Variants in PHACTR3 observed in about 807,000 individuals in gnomAD.
PHACTR3 encodes phosphatase and actin regulator 3.
Under a neutral mutation model 66.8 loss-of-function variants are expected in PHACTR3, and 16 were observed. That is an observed-to-expected ratio of 0.24 (90% CI 0.16 to 0.36). PHACTR3 has a LOEUF of 0.36. Among genes scored for constraint, PHACTR3 ranks in the 10% least tolerant of loss-of-function variants. PHACTR3 has a pLI of 1.00. For missense variants in PHACTR3, 647 were observed against 719.9 expected (o/e 0.90, Z 1.16); for synonymous variants, 323 against 292.1 (o/e 1.11, Z -1.08).
chr20:59,836,624 C>CTGAG, intron 9 of PHACTR3, 64 bp downstream of exon 9: 1 of 1,527,522 alleles, frequency 6.5e-7, no homozygotes, highest in Non-Finnish European at 9.0e-7. Flanking sequence ...TGCACAAATC[C>CTGAG]TGAGTTCCCA....
chr20:59,845,986 TC>T lies in PHACTR3; in HGVS notation c.1664+727del, dbSNP rs918143701. Reference sequence around the variant, plus strand: ...TTGAACTGCATATTTTTTCAGTATTTCCCCCCACTTCTTTTCCATGGCCATG... The same window carrying T: ...TTGAACTGCATATTTTTTCAGTATTTCCCCCACTTCTTTTCCATGGCCATG... On this transcript the variant is annotated intron_variant, in intron 12 of 12. Transcript: ENST00000371015. Among the ~76,000 whole-genome samples, 3 of 152,250 alleles carry T rather than the reference TC, an allele frequency of 2.0e-5. No individual in the cohort carries two copies. In the East Asian group the frequency reaches 5.8e-4, roughly 29 times the overall value.
Position 59,818,077 on chromosome 20 carries a change from C to T in PHACTR3, c.1328+11883C>T, listed in dbSNP as rs571816540. Among the ~76,000 whole-genome samples, 78 of 152,304 alleles carry T rather than the reference C, an allele frequency of 5.1e-4. No individual in the cohort carries two copies. The South Asian group carries it at 0.015, about 30-fold the overall frequency. On this transcript the variant is annotated intron_variant, in intron 8 of 12. Transcript: ENST00000371015. ...GCCTCAGCGAACCTGTCTCCTTCCT[C>T]GCATATGTGAGGGGGCCCTTGTGTG...
chr20:59,628,911 T>G, intron 1 of PHACTR3: 1 of 663,932 alleles, frequency 1.5e-6, no homozygotes, highest in Non-Finnish European at 1.9e-6. Flanking sequence ...GTTGCAGAGC[T>G]TCCCTCAATG....
chr20:59,809,685 AGG>A (rs2041676375), intron 8 of PHACTR3, among the ~76,000 whole-genome samples: 3 of 152,126 alleles, frequency 2.0e-5, no homozygotes, highest in African/African-American at 7.2e-5. Flanking sequence ...CATAAACTTG[AGG>A]AGCTCACAGC....
chr20:59,749,631 G>T (rs1857646267), intron 3 of PHACTR3, among the ~76,000 whole-genome samples: 1 of 152,180 alleles, frequency 6.6e-6, no homozygotes, highest in Non-Finnish European at 1.5e-5. Context: ...TCTGGAGAGG[G>T]TCAGATAGTG....
At chr20:59,645,284 G>A (rs544564039) in intron 1 of PHACTR3, among the ~76,000 whole-genome samples, 6 of 148,098 alleles carry the variant, frequency 4.1e-5, no homozygotes, top group Admixed American at 2.7e-4. Flanking sequence ...TCCCCCAAAG[G>A]CAGGGCTGGG....
intron 1 of PHACTR3, chr20:59,628,757 C>T: frequency 1.0e-6 from 1 of 985,550 alleles, no homozygotes; most frequent in Non-Finnish European, 1.2e-6. Flanking sequence ...TTTGTGGGAC[C>T]CTGGAAGGCT....
intron 1 of PHACTR3, among the ~76,000 whole-genome samples, chr20:59,658,913 G>A (rs2035715211): frequency 6.7e-6 from 1 of 150,194 alleles, no homozygotes; most frequent in African/African-American, 2.4e-5. Context: ...TGCCATCATG[G>A]AGCTGTCAGC....
At chr20:59,816,801 G>A (rs2041899614) in intron 8 of PHACTR3, among the ~76,000 whole-genome samples, 1 of 152,202 alleles carries the variant, frequency 6.6e-6, no homozygotes, top group African/African-American at 2.4e-5. Context: ...ATGGTGGGAT[G>A]ATTGAACAGG....
At chr20:59,782,869 G>A (rs1245523716) in intron 7 of PHACTR3, among the ~76,000 whole-genome samples, 1 of 152,166 alleles carries the variant, frequency 6.6e-6, no homozygotes, top group Non-Finnish European at 1.5e-5. Context: ...GTGGTGACAC[G>A]GGCATTTGAT....
chr20:59,581,125 C>A (rs996698443), intron 1 of PHACTR3, among the ~76,000 whole-genome samples: 2 of 148,780 alleles, frequency 1.3e-5, no homozygotes, highest in Non-Finnish European at 3.0e-5. Context: ...GACATGGGTA[C>A]TGGGGGTCAC....
intron 1 of PHACTR3, among the ~76,000 whole-genome samples, chr20:59,698,512 A>G (rs2037382617): frequency 6.6e-6 from 1 of 152,172 alleles, no homozygotes; most frequent in Non-Finnish European, 1.5e-5. Flanking sequence ...ACACCAGATG[A>G]TAGCTTCAAT....
At chr20:59,822,696 C>T (rs965584221) in intron 8 of PHACTR3, among the ~76,000 whole-genome samples, 2 of 152,172 alleles carry the variant, frequency 1.3e-5, no homozygotes, top group Non-Finnish European at 2.9e-5. Context: ...CTCTCTGACT[C>T]GGCTCGTTCA....
chr20:59,760,821 A>T (rs947857498), intron 4 of PHACTR3, among the ~76,000 whole-genome samples: 1 of 152,122 alleles, frequency 6.6e-6, no homozygotes, highest in Non-Finnish European at 1.5e-5. Flanking sequence ...ACAGGGGCTG[A>T]GTTCTGGCCT....
intron 1 of PHACTR3, among the ~76,000 whole-genome samples, chr20:59,688,663 T>A (rs977285253): frequency 1.4e-4 from 22 of 152,192 alleles, no homozygotes; most frequent in Non-Finnish European, 3.1e-4. Context: ...CTCCCTGACC[T>A]TTTTTTGATT....
chr20:59,846,226 TGCAA>T, intron 12 of PHACTR3, among the ~76,000 whole-genome samples: 1 of 152,184 alleles, frequency 6.6e-6, no homozygotes, highest in East Asian at 1.9e-4. Flanking sequence ...AAGTGGCCAC[TGCAA>T]TTGTTATCTG....
rs756153691 is a variant in PHACTR3, at chr20:59,773,467, C to T, written c.926+14C>T. On this transcript the variant is annotated intron_variant, in intron 6 of 12. Coordinates refer to ENST00000371015, the MANE Select transcript of PHACTR3 (RefSeq NM_080672.5). ...CCGCCAGGACAGGTGAGGCCCTGCC[C>T]CATGAGGGAGACCTGTGCTGCCAGA... 3 of 1,589,716 alleles carry T rather than the reference C, an allele frequency of 1.9e-6. No individual in the cohort carries two copies. Among genetic ancestry groups the T allele is most frequent in the Non-Finnish European group, 2.6e-6 (3 of 1,169,464 alleles).
Position 59,767,312 on chromosome 20 carries a change from G to A in PHACTR3, c.668G>A (p.Arg223Lys). Residue 223 changes from arginine to lysine, a missense_variant, in exon 5 of 13, where the codon AGA (arginine) becomes AAA (lysine). By Grantham distance (26) the Arg-to-Lys change is conservative (BLOSUM62 2). Around this residue, in one of 2 missense-constraint regions of PHACTR3, gnomAD observed 577 missense variants for 571.1 expected, o/e 1.01. Transcript: ENST00000371015. ...SLDSPPRPLE[R>K]SVGQLPSPPL... ...GACAGTCCTCCCAGACCTCTGGAGA[G>A]ATCCGTGGGCCAGCTCCCCAGCCCC... The A allele has an allele frequency of 1.2e-6, 2 of 1,614,214 alleles. No individual in the cohort carries two copies. Among genetic ancestry groups the A allele is most frequent in the Non-Finnish European group, 1.7e-6 (2 of 1,180,038 alleles).
intron 1 of PHACTR3, among the ~76,000 whole-genome samples, chr20:59,690,120 C>A (rs1000576572): frequency 6.6e-6 from 1 of 152,142 alleles, no homozygotes; most frequent in Non-Finnish European, 1.5e-5. Flanking sequence ...AACAAAACAC[C>A]CAAATTCCTC....
Sources: allele counts gnomAD v4.1 joint callset (sites outside exome capture counted in the v4.1 genomes callset), GRCh38; gene constraint gnomAD v4.1.1; regional missense constraint gnomAD v4.1.1; transcripts MANE v1.5; gene names NCBI Gene and HGNC (gene_info 2026-07-23, HGNC 2026-07-21).